Variants in RAPSN observed in about 807,000 individuals in gnomAD.
RAPSN encodes 43 kDa receptor-associated protein of the synapse.
Under a neutral mutation model 45.7 loss-of-function variants are expected in RAPSN, and 33 were observed. The ratio of observed to expected loss-of-function variants is 0.72; its 90% confidence interval spans 0.55 to 0.97. RAPSN has a LOEUF of 0.97. Ranked by LOEUF, RAPSN falls within the 50% of genes least tolerant of loss-of-function variation. The pLI is 0.00. For missense variants in RAPSN, 519 were observed against 559.4 expected (o/e 0.93, Z 0.73); for synonymous variants, 244 against 233.6 (o/e 1.04, Z -0.40).
At chr11:47,446,900 CG>C (rs2076410315) in intron 2 of RAPSN, among the ~76,000 whole-genome samples, 1 of 152,090 alleles carries the variant, frequency 6.6e-6, no homozygotes, top group Non-Finnish European at 1.5e-5. Context: ...AGCAAAACTC[CG>C]CCCCTGCCCC....
chr11:47,443,551 G>A (rs1164443656), intron 2 of RAPSN, among the ~76,000 whole-genome samples: 1 of 152,076 alleles, frequency 6.6e-6, no homozygotes, highest in Non-Finnish European at 1.5e-5. Flanking sequence ...CCTCCGATGA[G>A]CAGTCTCTGC....
chr11:47,438,312 C>T (rs995286957), intron 7 of RAPSN, among the ~76,000 whole-genome samples: 1 of 152,146 alleles, frequency 6.6e-6, no homozygotes, highest in Non-Finnish European at 1.5e-5. Flanking sequence ...AGGTCTGGCC[C>T]TGGACGTCCG....
At chr11:47,439,212 G>A (rs1402839873) in intron 6 of RAPSN, among the ~76,000 whole-genome samples, 1 of 152,204 alleles carries the variant, frequency 6.6e-6, no homozygotes, top group African/African-American at 2.4e-5. Context: ...CGTGGCTCAT[G>A]CCTGTAATCC....
At chr11:47,440,736 A>G (rs532217278) in intron 6 of RAPSN, among the ~76,000 whole-genome samples, 1 of 152,360 alleles carries the variant, frequency 6.6e-6, no homozygotes, top group Admixed American at 6.5e-5. Flanking sequence ...AGACAAGAGC[A>G]AAACTCAATC....
At chr11:47,445,467 G>GGA (rs2076398231) in intron 2 of RAPSN, among the ~76,000 whole-genome samples, 1 of 151,108 alleles carries the variant, frequency 6.6e-6, no homozygotes. Context: ...ATAGTGGCGT[G>GGA]TGCCGGTAGT....
chr11:47,442,003 G>C, intron 3 of RAPSN, 82 bp from the exon 4 acceptor site: 2 of 1,373,520 alleles, frequency 1.5e-6, no homozygotes, highest in South Asian at 2.5e-5. Flanking sequence ...CCCTCTGAAG[G>C]GACAGCCCAG....
chr11:47,447,693 TC>T, intron 2 of RAPSN, 118 bp downstream of exon 2: 1 of 1,202,882 alleles, frequency 8.3e-7, no homozygotes, highest in Non-Finnish European at 1.2e-6. Context: ...TCTCTGATTC[TC>T]ACTCTCCTCA....
At chr11:47,446,645 C>T (rs894715075) in intron 2 of RAPSN, among the ~76,000 whole-genome samples, 23 of 152,178 alleles carry the variant, frequency 1.5e-4, no homozygotes, top group African/African-American at 5.3e-4. Context: ...GTGGCTCACG[C>T]CTGTAATCCC....
chr11:47,443,710 A>T (rs528559980), intron 2 of RAPSN, among the ~76,000 whole-genome samples: 1 of 152,208 alleles, frequency 6.6e-6, no homozygotes, highest in Admixed American at 6.6e-5. Context: ...AGACAGGAGG[A>T]ACGCTTGAGC....
intron 7 of RAPSN, 61 bp from the exon 8 acceptor site, chr11:47,438,108 C>T: frequency 6.5e-7 from 1 of 1,532,042 alleles, no homozygotes; most frequent in South Asian, 1.2e-5. Context: ...CGGGCCCTCT[C>T]TTCCTTCCTT....
At position 47,445,489 on chromosome 11, in the gene RAPSN, G is replaced by A. The variant is rs111371186; in HGVS notation, c.531+2323C>T. On this transcript the variant is annotated intron_variant, in intron 2 of 7. Transcript: ENST00000298854. ...CGTGTGCCGGTAGTCCCAGCTACTC[G>A]GGAGGCTGAGCCAGGAGAATCGCTT... Among the ~76,000 whole-genome samples the A allele has an allele frequency of 1.5e-4, 23 of 150,574 alleles. 1 individual carries two copies. Among genetic ancestry groups the A allele is most frequent in the African/African-American group, 2.4e-4 (10 of 41,162 alleles).
In RAPSN at chr11:47,438,712, A is replaced by ACC; in HGVS notation, c.1166+18_1166+19dup. On this transcript the variant is annotated intron_variant, in intron 7 of 7. Coordinates refer to ENST00000298854, the MANE Select transcript of RAPSN (RefSeq NM_005055.5). ...GAAGAGATCCTGCCCACCCCTGTCCACCCCCCCAGGAGCCCCCACCTGAGG... is the reference window on the plus strand; with the variant it reads ...GAAGAGATCCTGCCCACCCCTGTCCACCCCCCCCCAGGAGCCCCCACCTGAGG... 6 of 1,549,854 alleles carry ACC rather than the reference A, an allele frequency of 3.9e-6. No individual in the cohort carries two copies. Among genetic ancestry groups the ACC allele is most frequent in the Non-Finnish European group, 5.2e-6 (6 of 1,144,982 alleles).
chr11:47,444,442 G>A (rs559464317), intron 2 of RAPSN, among the ~76,000 whole-genome samples: 10 of 152,160 alleles, frequency 6.6e-5, no homozygotes, highest in Admixed American at 2.0e-4. Context: ...AGGAAGCTGA[G>A]GAGGGAGGAT....
intron 7 of RAPSN, 36 bp downstream of exon 7, chr11:47,438,680 GTGCCCCGAAGAGATCC>G: frequency 1.3e-6 from 2 of 1,546,120 alleles, no homozygotes; most frequent in Non-Finnish European, 1.8e-6. Flanking sequence ...GGGCCCTAGA[GTGCCCCGAAGAGATCC>G]TGCCCACCCC....
chr11:47,439,669 G>A (rs2153307263), intron 6 of RAPSN, among the ~76,000 whole-genome samples: 1 of 149,932 alleles, frequency 6.7e-6, no homozygotes, highest in Admixed American at 6.7e-5. Flanking sequence ...GAGAAGTGGT[G>A]AACCTGTTTT....
At chr11:47,439,397 C>T (rs1318493019) in intron 6 of RAPSN, among the ~76,000 whole-genome samples, 1 of 152,152 alleles carries the variant, frequency 6.6e-6, no homozygotes, top group Non-Finnish European at 1.5e-5. Context: ...TCGCTTGAAC[C>T]CAGGAGGCGG....
intron 2 of RAPSN, among the ~76,000 whole-genome samples, chr11:47,445,620 A>T (rs12577643): frequency 0.25 from 36,518 of 145,552 alleles, 5,562 homozygotes; most frequent in South Asian, 0.45. Flanking sequence ...AAAAAAGCCA[A>T]AAGAACAGCA....
At chr11:47,438,709 T>A in intron 7 of RAPSN, 23 bp downstream of exon 7, 1 of 1,553,466 alleles carries the variant, frequency 6.4e-7, no homozygotes, top group Non-Finnish European at 8.7e-7. Context: ...CCCACCCCTG[T>A]CCACCCCCCC....
At chr11:47,441,585 A>T (rs756130406) in intron 5 of RAPSN, 26 bp downstream of exon 5, 1 of 1,601,902 alleles carries the variant, frequency 6.2e-7, no homozygotes, top group Admixed American at 1.7e-5. Context: ...GGAGGGCTGG[A>T]GGCTGTGGGA....
Sources: gnomAD v4.1 joint callset for allele counts (sites outside exome capture counted in the v4.1 genomes callset) on GRCh38, gnomAD v4.1.1 for gene constraint, MANE v1.5 for transcripts, NCBI Gene and HGNC (gene_info 2026-07-23, HGNC 2026-07-21) for gene names.